Variants in STK32B observed in about 807,000 individuals in gnomAD.
STK32B encodes the protein serine/threonine kinase 32B, also known as serine/threonine-protein kinase 32B.
A neutral mutation model predicts 52.6 loss-of-function variants in STK32B; 43 were observed. The ratio of observed to expected loss-of-function variants is 0.82; its 90% CI spans 0.64 to 1.05. The LOEUF is 1.05. Ranked by LOEUF, STK32B falls within the 50% of genes least tolerant of loss-of-function variation. STK32B has a pLI of 0.00. For missense variants in STK32B, 621 were observed against 534.6 expected (o/e 1.16, Z -1.59); for synonymous variants, 238 against 204.3 (o/e 1.17, Z -1.41).
chr4:5,197,736 T>C (rs1209128790), intron 3 of STK32B, among the ~76,000 whole-genome samples: 1 of 152,244 alleles, frequency 6.6e-6, no homozygotes, highest in Non-Finnish European at 1.5e-5. Context: ...TGCTATCCTT[T>C]TATTCATGTT....
In STK32B at chr4:5,446,653, C is replaced by T. The variant is rs766319983; in HGVS notation, c.563-20C>T. ...AAACTGGGATACACAATGATGTTCT[C>T]CTTGTCCTCTCGTTGGCAGCTCCAG... On this transcript the variant is annotated intron_variant, in intron 6 of 11. Transcript: ENST00000282908. 6.2e-7 allele frequency: 1 copy of T among 1,611,336 alleles called. No individual in the cohort carries two copies. The highest frequency in any genetic ancestry group is 1.1e-5 in the South Asian group (1 of 90,994).
chr4:5,199,817 T>C (rs548528955), intron 3 of STK32B, among the ~76,000 whole-genome samples: 1 of 150,500 alleles, frequency 6.6e-6, no homozygotes, highest in South Asian at 2.1e-4. Flanking sequence ...CCTCTGCTCG[T>C]CTGTGAAGCC....
chr4:5,154,246 G>C (rs117148038), intron 2 of STK32B, among the ~76,000 whole-genome samples: 2 of 130,930 alleles, frequency 1.5e-5, no homozygotes, highest in African/African-American at 6.0e-5. Context: ...ACAGAGTTTC[G>C]CTCTTGTTGC....
chr4:5,307,672 A>G (rs769977332), intron 3 of STK32B, among the ~76,000 whole-genome samples: 2 of 150,614 alleles, frequency 1.3e-5, no homozygotes, highest in Non-Finnish European at 2.9e-5. Context: ...AGCTAGTGTG[A>G]TCTTTTGGGA....
intron 11 of STK32B, among the ~76,000 whole-genome samples, chr4:5,487,039 C>G (rs1719281219): frequency 1.3e-5 from 2 of 152,156 alleles, no homozygotes; most frequent in Admixed American, 6.5e-5. Flanking sequence ...TTCATATGAT[C>G]AGTTTTTACA....
At position 5,499,288 on chromosome 4, in the gene STK32B, T is replaced by G. The variant is rs1720553404; in HGVS notation, c.*205T>G. ...GACCTCAGACAAGTCACGCCCTCTC[T>G]GTGCCTCCGTTTTCTGCATCTGCCA... On this transcript the variant is annotated 3_prime_UTR_variant, in exon 12 of 12. Coordinates refer to ENST00000282908, the MANE Select transcript of STK32B (RefSeq NM_018401.3). The G allele has an allele frequency of 1.8e-6, 1 of 555,152 alleles. No individual in the cohort carries two copies. The highest frequency in any genetic ancestry group is 2.8e-6 in the Non-Finnish European group (1 of 358,382). 34.4% of individuals were successfully genotyped at this position (555,152 alleles called of 1,614,324 possible).
chr4:5,494,609 C>T (rs1412948622), intron 11 of STK32B, among the ~76,000 whole-genome samples: 2 of 152,196 alleles, frequency 1.3e-5, no homozygotes, highest in African/African-American at 2.4e-5. Context: ...TGAATTTGAT[C>T]CTGTCATGAT....
At chr4:5,457,544 A>G (rs1020393905) in intron 8 of STK32B, among the ~76,000 whole-genome samples, 1 of 150,664 alleles carries the variant, frequency 6.6e-6, no homozygotes, top group Admixed American at 6.6e-5. Flanking sequence ...TCTGCTGCAC[A>G]TGGTCTTTTC....
intron 3 of STK32B, among the ~76,000 whole-genome samples, chr4:5,262,115 T>G (rs1443354564): frequency 6.6e-6 from 1 of 152,078 alleles, no homozygotes. Context: ...CTCCCCATGT[T>G]TGTCCACTCT....
At chr4:5,235,093 T>C (rs1724533693) in intron 3 of STK32B, among the ~76,000 whole-genome samples, 1 of 152,206 alleles carries the variant, frequency 6.6e-6, no homozygotes, top group African/African-American at 2.4e-5. Flanking sequence ...GTGGGAAATG[T>C]GTGGATTTGG....
At chr4:5,175,315 T>C (rs1719766931) in intron 3 of STK32B, among the ~76,000 whole-genome samples, 1 of 152,248 alleles carries the variant, frequency 6.6e-6, no homozygotes, top group Non-Finnish European at 1.5e-5. Flanking sequence ...TCAAAGTTAT[T>C]CTCTGTCCAG....
chr4:5,241,531 A>G (rs1469828368), intron 3 of STK32B, among the ~76,000 whole-genome samples: 1 of 152,064 alleles, frequency 6.6e-6, no homozygotes, highest in East Asian at 1.9e-4. Context: ...GGTCGTAGGT[A>G]GGTCTGTGGT....
At chr4:5,490,880 A>G (rs1236653264) in intron 11 of STK32B, among the ~76,000 whole-genome samples, 1 of 152,208 alleles carries the variant, frequency 6.6e-6, no homozygotes, top group Non-Finnish European at 1.5e-5. Flanking sequence ...AATTTCATCC[A>G]TGTCCCTACA....
intron 3 of STK32B, among the ~76,000 whole-genome samples, chr4:5,189,106 C>A (rs1240772525): frequency 2.6e-5 from 4 of 152,104 alleles, no homozygotes; most frequent in African/African-American, 9.7e-5. Context: ...TGCAGCACTT[C>A]CCCCACCACA....
At chr4:5,352,525 G>A (rs539197776) in intron 4 of STK32B, among the ~76,000 whole-genome samples, 12 of 150,668 alleles carry the variant, frequency 8.0e-5, no homozygotes, top group African/African-American at 2.4e-4. Context: ...TTTCCCCTAG[G>A]AACTGGAATC....
chr4:5,188,825 G>T (rs1341629214), intron 3 of STK32B, among the ~76,000 whole-genome samples: 11 of 122,628 alleles, frequency 9.0e-5, no homozygotes, highest in Admixed American at 6.6e-4. Flanking sequence ...GTGTAACATG[G>T]ACACAGGGCA....
At chr4:5,446,336 C>T (rs549120589) in intron 6 of STK32B, among the ~76,000 whole-genome samples, 10 of 152,194 alleles carry the variant, frequency 6.6e-5, no homozygotes, top group African/African-American at 1.4e-4. Context: ...GAGGCTGAGG[C>T]GGGCAGATCA....
Position 5,051,622 on chromosome 4 carries a change from G to GAGGCGGGGCACGGCGGA in STK32B, c.-236_-220dup. 1 of 513,420 alleles carries GAGGCGGGGCACGGCGGA rather than the reference G, an allele frequency of 1.9e-6. No homozygotes were observed. The highest frequency in any genetic ancestry group is 2.7e-5 in the South Asian group (1 of 36,766). The allele number at this position is 513,420 out of a possible 1,614,324, so 31.8% of individuals were successfully genotyped here. A position where few individuals can be genotyped will look rare whatever the true frequency, so the allele number is the denominator to read the frequency against. On this transcript the variant is annotated 5_prime_UTR_variant, in exon 1 of 12. Coordinates refer to ENST00000282908, the MANE Select transcript of STK32B (RefSeq NM_018401.3). ...GAGTAAGGAGCTGCGAGCGCAGCCC[G>GAGGCGGGGCACGGCGGA]AGGCGGGGCACGGCGGAAGGCGCGG...
At chr4:5,187,439 TG>T (rs2108759936) in intron 3 of STK32B, among the ~76,000 whole-genome samples, 1 of 152,258 alleles carries the variant, frequency 6.6e-6, no homozygotes, top group East Asian at 1.9e-4. Flanking sequence ...TCGTGCAAGG[TG>T]GATGTTACTG....
Sources: allele counts gnomAD v4.1 joint callset (sites outside exome capture counted in the v4.1 genomes callset), GRCh38; gene constraint gnomAD v4.1.1; transcripts MANE v1.5; gene names NCBI Gene and HGNC (gene_info 2026-07-23, HGNC 2026-07-21).